The following SDHC variants were observed in gnomAD, a reference collection of about 807,000 sequenced individuals.
SDHC encodes the protein succinate dehydrogenase complex subunit C, also known as succinate dehydrogenase cytochrome b560 subunit, mitochondrial.
SDHC carries 11 observed loss-of-function variants against 22.6 expected under a neutral mutation model. The ratio of observed to expected loss-of-function variants is 0.49; its 90% CI spans 0.31 to 0.81. The LOEUF is 0.81. Among genes scored for constraint, SDHC ranks in the 30% least tolerant of loss-of-function variants. The pLI, the probability that SDHC is intolerant of heterozygous loss-of-function variation, is 0.05. For synonymous variants in SDHC, 80 were observed against 77.8 expected, an observed-to-expected ratio of 1.03 and a Z score of -0.15; for missense variants, 160 against 212.0, an observed-to-expected ratio of 0.75 and a Z score of 1.52.
chr1:161,326,586 C>T (rs1671062284), intron 2 of SDHC: 1 of 133,666 alleles, frequency 7.5e-6, no homozygotes, highest in African/African-American at 2.8e-5. Context: ...TATATTAGGT[C>T]TTTAAGGTTT....
At chr1:161,344,067 A>C (rs773063815) in intron 4 of SDHC, among the ~76,000 whole-genome samples, 4 of 148,076 alleles carry the variant, frequency 2.7e-5, no homozygotes, top group Non-Finnish European at 5.9e-5. Context: ...AGGTGGGCAG[A>C]TCACGAGGTC....
chr1:161,348,666 CA>C (rs1159653901), intron 4 of SDHC, among the ~76,000 whole-genome samples: 8,755 of 70,920 alleles, frequency 0.12, 282 homozygotes, highest in South Asian at 0.22. Context: ...ACTAAAAATC[CA>C]AAAAAAAAAA....
chr1:161,320,702 T>C (rs1670806114), intron 1 of SDHC, among the ~76,000 whole-genome samples: 1 of 152,222 alleles, frequency 6.6e-6, no homozygotes, highest in Non-Finnish European at 1.5e-5. Flanking sequence ...CTTTCCTGTA[T>C]GTTTTCTTGT....
intron 4 of SDHC, among the ~76,000 whole-genome samples, chr1:161,353,966 A>G (rs1438707523): frequency 6.6e-6 from 1 of 152,224 alleles, no homozygotes; most frequent in Non-Finnish European, 1.5e-5. Flanking sequence ...CAGTAGCACA[A>G]TCACAGCTCA....
At chr1:161,332,842 A>G (rs970976246) in intron 3 of SDHC, among the ~76,000 whole-genome samples, 3 of 152,130 alleles carry the variant, frequency 2.0e-5, no homozygotes, top group African/African-American at 4.8e-5. Flanking sequence ...TGTGTTGGCC[A>G]GGCTGGTCTT....
At chr1:161,333,731 CTG>C (rs2102320051) in intron 3 of SDHC, among the ~76,000 whole-genome samples, 1 of 152,318 alleles carries the variant, frequency 6.6e-6, no homozygotes, top group Admixed American at 6.5e-5. Context: ...AACTACCAGA[CTG>C]TTTTCCAAAG....
At chr1:161,358,156 C>A (rs1016293510) in intron 5 of SDHC, among the ~76,000 whole-genome samples, 2 of 151,264 alleles carry the variant, frequency 1.3e-5, no homozygotes, top group African/African-American at 4.9e-5. Context: ...CCTGCCTTAG[C>A]CTCCCAAGTA....
At chr1:161,337,986 G>A (rs1671559912) in intron 3 of SDHC, among the ~76,000 whole-genome samples, 1 of 152,170 alleles carries the variant, frequency 6.6e-6, no homozygotes, top group Admixed American at 6.5e-5. Context: ...GCATAAAATT[G>A]TTCATCCCAG....
At chr1:161,355,216 T>C (rs1172442817) in intron 4 of SDHC, among the ~76,000 whole-genome samples, 1 of 152,200 alleles carries the variant, frequency 6.6e-6, no homozygotes, top group Non-Finnish European at 1.5e-5. Flanking sequence ...TGATTTGCAT[T>C]TGTCTAATGG....
intron 4 of SDHC, among the ~76,000 whole-genome samples, chr1:161,342,555 C>T (rs1161168463): frequency 6.7e-6 from 1 of 150,188 alleles, no homozygotes; most frequent in East Asian, 1.9e-4. Context: ...GTTGCCCAGG[C>T]TGGAGTGCAA....
intron 3 of SDHC, 120 bp from the exon 4 acceptor site, chr1:161,340,470 TCAAA>T: frequency 1.3e-6 from 1 of 780,902 alleles, no homozygotes; most frequent in Non-Finnish European, 2.1e-6. Context: ...AGACTCTGTC[TCAAA>T]AAAAAAAAAA....
intron 1 of SDHC, chr1:161,314,853 TCAGACACTAGCTGCTCCCA>T (rs1416387468): frequency 5.2e-6 from 1 of 191,390 alleles, no homozygotes; most frequent in Non-Finnish European, 1.1e-5. Flanking sequence ...TCGAATGCCT[TCAGACACTAGCTGCTCCCA>T]CCGTGAGTGG....
chr1:161,345,951 AC>A (rs1318246817), intron 4 of SDHC, among the ~76,000 whole-genome samples: 1 of 151,728 alleles, frequency 6.6e-6, no homozygotes, highest in African/African-American at 2.4e-5. Context: ...GATTACAGGC[AC>A]CCACTACCAT....
chr1:161,329,623 C>T (rs1303062707), intron 3 of SDHC, among the ~76,000 whole-genome samples: 7 of 152,224 alleles, frequency 4.6e-5, no homozygotes, highest in Non-Finnish European at 7.3e-5. Flanking sequence ...TGAGCCATCA[C>T]GCCCAGTCCC....
intron 4 of SDHC, among the ~76,000 whole-genome samples, chr1:161,341,508 A>G (rs1275870849): frequency 2.0e-5 from 3 of 152,184 alleles, no homozygotes; most frequent in Non-Finnish European, 2.9e-5. Context: ...GCAGATTATA[A>G]TCAGTTTTCT....
intron 4 of SDHC, among the ~76,000 whole-genome samples, chr1:161,351,986 T>A (rs1054421535): frequency 2.6e-5 from 4 of 152,220 alleles, no homozygotes; most frequent in Non-Finnish European, 5.9e-5. Context: ...TATATAGGAC[T>A]TAACTGGGGT....
chr1:161,332,034 G>C (rs1571857087), intron 3 of SDHC, among the ~76,000 whole-genome samples: 1 of 152,076 alleles, frequency 6.6e-6, no homozygotes, highest in African/African-American at 2.4e-5. Flanking sequence ...GAGTGTAGTA[G>C]TGGTGTGATC....
chr1:161,319,056 A>G (rs1670738600), intron 1 of SDHC, among the ~76,000 whole-genome samples: 1 of 152,028 alleles, frequency 6.6e-6, no homozygotes, highest in African/African-American at 2.4e-5. Context: ...AAAACAAACA[A>G]AAAACAGAAA....
At chr1:161,339,509 T>C (rs1007774300) in intron 3 of SDHC, 38 of 1,013,620 alleles carry the variant, frequency 3.7e-5, no homozygotes, top group Admixed American at 5.4e-5. Flanking sequence ...CTTTGACCCA[T>C]GTTTCTCCTT....
Sources: gnomAD v4.1 joint callset for allele counts (sites outside exome capture counted in the v4.1 genomes callset) on GRCh38, gnomAD v4.1.1 for gene constraint, MANE v1.5 for transcripts, NCBI Gene and HGNC (gene_info 2026-07-23, HGNC 2026-07-21) for gene names.